Variants in POU6F2 observed in about 807,000 individuals in gnomAD.
POU6F2 encodes the protein POU domain, class 6, transcription factor 2.
In POU6F2, 31 loss-of-function variants were observed where a neutral mutation model predicts 71.3. The ratio of observed to expected loss-of-function variants is 0.43; its 90% CI spans 0.33 to 0.59. The LOEUF (loss-of-function observed/expected upper bound fraction) is 0.59, where lower values mean the gene tolerates loss of function less well. Ranked by LOEUF, POU6F2 falls within the 20% of genes least tolerant of loss-of-function variation. The probability of loss-of-function intolerance (pLI) is 0.04; values close to 1 mark genes in which losing one functional copy is unlikely to be tolerated. For missense variants in POU6F2, 783 were observed against 856.8 expected, an observed-to-expected ratio of 0.91 and a Z score of 1.07; for synonymous variants, 347 against 355.7, an observed-to-expected ratio of 0.98 and a Z score of 0.27.
At chr7:39,038,801 C>T (rs1027704040) in intron 1 of POU6F2, among the ~76,000 whole-genome samples, 2 of 151,876 alleles carry the variant, frequency 1.3e-5, no homozygotes, top group Non-Finnish European at 2.9e-5. Context: ...CCATTGGAAG[C>T]AACAGTACCT....
chr7:39,287,158 G>C (rs953375564), intron 4 of POU6F2, among the ~76,000 whole-genome samples: 1 of 152,042 alleles, frequency 6.6e-6, no homozygotes, highest in Admixed American at 6.6e-5. Context: ...AAGATTAATA[G>C]CCCAACAAGC....
chr7:39,027,398 G>A (rs1186554257), intron 1 of POU6F2, among the ~76,000 whole-genome samples: 1 of 152,082 alleles, frequency 6.6e-6, no homozygotes, highest in South Asian at 2.1e-4. Flanking sequence ...TTAGGTTGTG[G>A]CACTGCAGTG....
intron 4 of POU6F2, among the ~76,000 whole-genome samples, chr7:39,208,530 A>G (rs192996365): frequency 1.3e-5 from 2 of 152,340 alleles, no homozygotes; most frequent in East Asian, 3.9e-4. Flanking sequence ...TTAGGGCTTC[A>G]TATAATTTAT....
intron 2 of POU6F2, among the ~76,000 whole-genome samples, chr7:39,167,533 G>A (rs977511432): frequency 6.6e-6 from 1 of 152,078 alleles, no homozygotes; most frequent in Admixed American, 6.5e-5. Flanking sequence ...ATCCAGAAAT[G>A]GAATTCCTGG....
At chr7:39,424,089 T>C (rs1323045355) in intron 6 of POU6F2, among the ~76,000 whole-genome samples, 1 of 152,240 alleles carries the variant, frequency 6.6e-6, no homozygotes, top group Non-Finnish European at 1.5e-5. Context: ...AGCTATCTTC[T>C]TGCTGTGTCC....
chr7:39,028,776 G>T (rs1342549935), intron 1 of POU6F2, among the ~76,000 whole-genome samples: 1 of 151,792 alleles, frequency 6.6e-6, no homozygotes, highest in East Asian at 1.9e-4. Flanking sequence ...TATTTTTCAG[G>T]CTTATTCCTA....
At chr7:39,012,762 A>G (rs1002583459) in intron 1 of POU6F2, among the ~76,000 whole-genome samples, 44 of 150,582 alleles carry the variant, frequency 2.9e-4, no homozygotes, top group African/African-American at 1.0e-3. Context: ...CCTCAGCTGC[A>G]GGTCTGTTGG....
At chr7:39,088,178 C>T (rs945452352) in intron 2 of POU6F2, among the ~76,000 whole-genome samples, 2 of 151,896 alleles carry the variant, frequency 1.3e-5, no homozygotes, top group Admixed American at 1.3e-4. Flanking sequence ...CCAATTAGAT[C>T]AAGAAGAAAG....
At chr7:39,115,919 A>G (rs1449542353) in intron 2 of POU6F2, among the ~76,000 whole-genome samples, 1 of 152,200 alleles carries the variant, frequency 6.6e-6, no homozygotes, top group Non-Finnish European at 1.5e-5. Context: ...GACTGAATTC[A>G]AATTTGAGTA....
chr7:39,024,411 A>T, intron 1 of POU6F2, among the ~76,000 whole-genome samples: 1 of 152,058 alleles, frequency 6.6e-6, no homozygotes, highest in Non-Finnish European at 1.5e-5. Flanking sequence ...TTGGGCTGAG[A>T]CGATGGGGTT....
intron 5 of POU6F2, among the ~76,000 whole-genome samples, chr7:39,371,724 T>C (rs140252504): frequency 6.6e-6 from 1 of 152,182 alleles, no homozygotes; most frequent in South Asian, 2.1e-4. Flanking sequence ...CCACTGATGA[T>C]TCTGCCCAAC....
intron 2 of POU6F2, among the ~76,000 whole-genome samples, chr7:39,185,371 G>C (rs1372652667): frequency 6.6e-6 from 1 of 152,182 alleles, no homozygotes. Flanking sequence ...ATTGTCAATG[G>C]AGACAGTTGG....
chr7:39,269,591 T>A (rs1017737562), intron 4 of POU6F2, among the ~76,000 whole-genome samples: 1 of 152,344 alleles, frequency 6.6e-6, no homozygotes, highest in African/African-American at 2.4e-5. Flanking sequence ...TCTTTCTTCA[T>A]CAGCTCCTAT....
chr7:39,253,643 G>A (rs1235240115), intron 4 of POU6F2, among the ~76,000 whole-genome samples: 1 of 152,124 alleles, frequency 6.6e-6, no homozygotes, highest in Non-Finnish European at 1.5e-5. Flanking sequence ...TCACAATATT[G>A]AGAAGCTGAA....
rs146833934 is a variant in POU6F2, at chr7:39,114,292, G to A, written c.277+28261G>A. Among the ~76,000 whole-genome samples, 7 of 152,184 alleles carry A rather than the reference G, an allele frequency of 4.6e-5. No individual in the cohort carries two copies. In the East Asian group the frequency reaches 5.8e-4, roughly 13 times the overall value. On this transcript the variant is annotated intron_variant, in intron 2 of 9. Transcript: ENST00000518318. ...ATAGTAAAAATCTTATCCATCTCACGGTAATTTAAATAAGAGGGAAGCTCA... is the reference window on the plus strand; with the variant it reads ...ATAGTAAAAATCTTATCCATCTCACAGTAATTTAAATAAGAGGGAAGCTCA...
At chr7:39,397,364 AATAT>A (rs1787194213) in intron 5 of POU6F2, among the ~76,000 whole-genome samples, 1 of 148,078 alleles carries the variant, frequency 6.8e-6, no homozygotes, top group African/African-American at 2.5e-5. Context: ...TATATAGACA[AATAT>A]ATAGAGAGAC....
At position 39,400,588 on chromosome 7, in the gene POU6F2, G is replaced by T. The variant is rs1022470278; in HGVS notation, c.973-6012G>T. On this transcript the variant is annotated intron_variant, in intron 5 of 9. Transcript: ENST00000518318. ...GACAGCCCAGCTTCCTTCCCATAGG[G>T]TGGGACAACGCTGAGACCCTACAAA... 3.9e-5 allele frequency among the ~76,000 whole-genome samples: 6 copies of T among 152,268 alleles called. 1 individual carries two copies. In the South Asian group the frequency reaches 8.3e-4, roughly 21 times the overall value.
intron 4 of POU6F2, among the ~76,000 whole-genome samples, chr7:39,261,631 A>G (rs62453447): frequency 0.48 from 73,630 of 152,090 alleles, 18,239 homozygotes; most frequent in Admixed American, 0.62. Flanking sequence ...ACAGCCTGTA[A>G]GTGGCAGAGG....
At chr7:39,414,446 G>C (rs868512912) in intron 6 of POU6F2, among the ~76,000 whole-genome samples, 1 of 152,358 alleles carries the variant, frequency 6.6e-6, no homozygotes, top group African/African-American at 2.4e-5. Context: ...GGCAGAGGGA[G>C]AGTGGAGGGG....
Sources: allele counts gnomAD v4.1 joint callset (sites outside exome capture counted in the v4.1 genomes callset), GRCh38; gene constraint gnomAD v4.1.1; transcripts MANE v1.5; gene names NCBI Gene and HGNC (gene_info 2026-07-23, HGNC 2026-07-21).